DUSP15: variants seen among roughly 807,000 people sequenced by gnomAD.
DUSP15 encodes dual specificity phosphatase 15.
Under a neutral mutation model 26.3 loss-of-function variants are expected in DUSP15, and 23 were observed. That is an observed-to-expected ratio of 0.87 (90% CI 0.63 to 1.24). DUSP15 has a LOEUF of 1.24. Ranked by LOEUF, DUSP15 falls within the 50% of genes most tolerant of loss-of-function variation. The pLI, the probability that DUSP15 is intolerant of heterozygous loss-of-function variation, is 0.00. For missense variants in DUSP15, 364 were observed against 320.6 expected (o/e 1.14, Z -1.03); for synonymous variants, 143 against 135.5 (o/e 1.06, Z -0.39).
chr20:31,870,264 G>T lies in DUSP15; in HGVS notation c.21+53C>A. Reference sequence around the variant, plus strand: ...GGCGGACCGAGCTGGTCAGCGCCGGGCCGCGGCGGCCGGGGCGGGGACCGG... The same window carrying T: ...GGCGGACCGAGCTGGTCAGCGCCGGTCCGCGGCGGCCGGGGCGGGGACCGG... On this transcript the variant is annotated intron_variant, in intron 1 of 6. Coordinates refer to ENST00000339738, the MANE Select transcript of DUSP15 (RefSeq NM_080611.5). This position sits in a 1 kb window ranked among gnomAD's most constrained non-coding sequence, Gnocchi z 6.6. The T allele has an allele frequency of 8.2e-7, 1 of 1,226,362 alleles. No homozygotes were observed. Among genetic ancestry groups the T allele is most frequent in the Non-Finnish European group, 1.0e-6 (1 of 984,310 alleles). The allele number at this position is 1,226,362 out of a possible 1,614,324, so 76.0% of individuals were successfully genotyped here.
chr20:31,856,199 A>G (rs909456470), downstream of DUSP15, among the ~76,000 whole-genome samples: 1 of 152,240 alleles, frequency 6.6e-6, no homozygotes, highest in African/African-American at 2.4e-5. Context: ...CGCATGTGCA[A>G]AGGTTTAACG....
intron 2 of DUSP15, among the ~76,000 whole-genome samples, chr20:31,869,232 C>T (rs1049003742): frequency 1.3e-5 from 2 of 152,290 alleles, no homozygotes; most frequent in Middle Eastern, 3.4e-3. Flanking sequence ...TGAGGCTTAG[C>T]GCAGGTGTAG....
intron 8 of DUSP15, chr20:31,849,726 G>C (rs1473104607): frequency 3.8e-5 from 59 of 1,538,016 alleles, no homozygotes; most frequent in Non-Finnish European, 5.1e-5. Flanking sequence ...GCAATGGGTC[G>C]GGGAAGCGAA....
At chr20:31,847,000 G>A (rs777320293), downstream of DUSP15, among the ~76,000 whole-genome samples, 39 of 152,226 alleles carry the variant, frequency 2.6e-4, no homozygotes, top group African/African-American at 8.4e-4. Context: ...GCCTGGGGTC[G>A]GGAGGTCCAG....
chr20:31,847,717 T>C (rs1431952035), exon 10 of DUSP15: 1 of 152,184 alleles, frequency 6.6e-6, no homozygotes, highest in Non-Finnish European at 1.5e-5. Flanking sequence ...GTTCTCAGAT[T>C]GCCTACAACG....
chr20:31,849,392 G>T (rs974931917), intron 8 of DUSP15: 5 of 423,972 alleles, frequency 1.2e-5, no homozygotes, highest in Non-Finnish European at 1.8e-5. Flanking sequence ...TTGTGTCAAT[G>T]TCCACTTCAT....
At chr20:31,848,832 G>T in exon 9 of DUSP15, 2 of 1,612,202 alleles carry the variant, frequency 1.2e-6, no homozygotes, top group Non-Finnish European at 1.7e-6. Context: ...TGCTCCTTGG[G>T]GTGCTGTGTG....
intron 8 of DUSP15, chr20:31,849,548 A>C (rs761587515): frequency 1.9e-5 from 18 of 969,180 alleles, no homozygotes; most frequent in Non-Finnish European, 2.7e-5. Flanking sequence ...CGCCTGGAGG[A>C]AGCCGCGTGT....
rs377501082 is a variant in DUSP15 at position 31,849,133 on chromosome 20, CCCCATGCCTTTATGCCCAA to C, written c.629-249_629-231del. Among the ~76,000 whole-genome samples, 385 of 152,156 alleles carry C rather than the reference CCCCATGCCTTTATGCCCAA, an allele frequency of 2.5e-3. 5 individuals are homozygous for C. The highest frequency in any genetic ancestry group is 8.8e-3 in the African/African-American group (366 of 41,484). On this transcript the variant is annotated intron_variant, in intron 8 of 9. Coordinates refer to the DUSP15 transcript ENST00000278979. ...GTCTCTTCCTTGGCCCCTATGCCCA[CCCCATGCCTTTATGCCCAA>C]CCCATGCCCACTGCCACTCACCTAT...
intron 6 of DUSP15, among the ~76,000 whole-genome samples, chr20:31,855,124 A>G (rs2062539936): frequency 6.6e-6 from 1 of 152,186 alleles, no homozygotes; most frequent in Admixed American, 6.5e-5. Flanking sequence ...CTTGGGGGCC[A>G]TTTTCAATCA....
downstream of DUSP15, among the ~76,000 whole-genome samples, chr20:31,845,845 G>C (rs1272390790): frequency 1.3e-5 from 2 of 152,254 alleles, no homozygotes; most frequent in South Asian, 2.1e-4. Context: ...GTGGTGGCTG[G>C]GGAGGGACAG....
chr20:31,862,634 G>A lies in DUSP15; in HGVS notation c.372C>T (p.Ile124=), dbSNP rs1362490179. Residue 124 remains isoleucine, a synonymous_variant, in exon 6 of 7, where the codon ATC becomes ATT. Transcript: ENST00000339738. The stretch of plus-strand genomic sequence containing the variant: ...GCCTAAAGCCTGGGTTGGGGTTGGC[G>A]ATGGGCCTGGTGGCCTTGATGGCTT... ...VLEAIKATRP[I]ANPNPGFRQQ... 4 of 1,613,988 alleles carry A rather than the reference G, an allele frequency of 2.5e-6. No homozygotes were observed. Among genetic ancestry groups the A allele is most frequent in the Middle Eastern group, 1.6e-4 (1 of 6,082 alleles).
Position 31,861,511 on chromosome 20 carries a change from C to T in DUSP15, c.600G>A (p.Leu200=). 4.6e-6 allele frequency: 7 copies of T among 1,527,480 alleles called. No homozygotes were observed. Among genetic ancestry groups the T allele is most frequent in the Non-Finnish European group, 6.1e-6 (7 of 1,146,238 alleles). 94.6% of individuals were successfully genotyped at this position (1,527,480 alleles called of 1,614,324 possible). Residue 200 remains leucine (L), a synonymous_variant, in exon 7 of 7, where the codon CTG becomes CTA. Transcript: ENST00000339738. ...SAASEGTVQR[L]VPRTPREAHR... ...GGGCTTCCCGGGGCGTGCGCGGCAC[C>T]AGGCGCTGCACGGTTCCCTCGGAGG...
chr20:31,866,336 CTATT>C (rs1010238197), intron 3 of DUSP15, among the ~76,000 whole-genome samples: 6 of 152,138 alleles, frequency 3.9e-5, no homozygotes, highest in Admixed American at 6.5e-5. Context: ...TGTTGAGCAT[CTATT>C]TATGTGGTTC....
chr20:31,851,072 T>C (rs1007332241), intron 6 of DUSP15, among the ~76,000 whole-genome samples: 37 of 152,342 alleles, frequency 2.4e-4, no homozygotes, highest in Middle Eastern at 6.8e-3. Flanking sequence ...GTCAATATTA[T>C]GGCACTGGGC....
In DUSP15 at chr20:31,861,246, A is replaced by C; in HGVS notation, c.*157T>G. 2 of 1,360,422 alleles carry C rather than the reference A, an allele frequency of 1.5e-6. No individual in the cohort carries two copies. Among genetic ancestry groups the C allele is most frequent in the Non-Finnish European group, 1.9e-6 (2 of 1,063,338 alleles). 84.3% of individuals were successfully genotyped at this position (1,360,422 alleles called of 1,614,324 possible). ...AGAGACGCACAGGTTGGGGACGCTGACTGCAGACGCGGACGAGCAGGGCGG... is the reference window on the plus strand; with the variant it reads ...AGAGACGCACAGGTTGGGGACGCTGCCTGCAGACGCGGACGAGCAGGGCGG... On this transcript the variant is annotated 3_prime_UTR_variant, in exon 7 of 7. Coordinates refer to ENST00000339738, the MANE Select transcript of DUSP15 (RefSeq NM_080611.5).
chr20:31,845,973 G>A (rs1356285256), downstream of DUSP15, among the ~76,000 whole-genome samples: 1 of 151,970 alleles, frequency 6.6e-6, no homozygotes, highest in African/African-American at 2.4e-5. Context: ...TCACAAGAGG[G>A]AGAAAGAGGG....
At chr20:31,857,462 T>G (rs2062578788), downstream of DUSP15, among the ~76,000 whole-genome samples, 1 of 152,096 alleles carries the variant, frequency 6.6e-6, no homozygotes, top group Non-Finnish European at 1.5e-5. Flanking sequence ...GCCACAAATC[T>G]GGTTTTGACC....
At chr20:31,852,446 C>G (rs1156867358) in intron 6 of DUSP15, among the ~76,000 whole-genome samples, 1 of 152,192 alleles carries the variant, frequency 6.6e-6, no homozygotes, top group South Asian at 2.1e-4. Flanking sequence ...AGACAGCCAT[C>G]GTTGGCCATT....
Sources: allele counts gnomAD v4.1 joint callset (sites outside exome capture counted in the v4.1 genomes callset), GRCh38; gene constraint gnomAD v4.1.1; non-coding constraint Gnocchi (gnomAD v3.1); transcripts MANE v1.5; gene names NCBI Gene and HGNC (gene_info 2026-07-23, HGNC 2026-07-21).